SCN11A: variants seen among roughly 807,000 people sequenced by gnomAD.
SCN11A encodes sodium channel protein type 11 subunit alpha.
Under a neutral mutation model 162.2 loss-of-function variants are expected in SCN11A, and 122 were observed. The observed-to-expected ratio is 0.75, with a 90% CI of 0.65 to 0.87. The LOEUF is 0.87. SCN11A is among the 40% of genes least tolerant of loss of function. The pLI is 0.00. For missense variants in SCN11A, 2,015 were observed against 2,181.6 expected (o/e 0.92, Z 1.52); for synonymous variants, 758 against 751.5 (o/e 1.01, Z -0.14).
In SCN11A at chr3:38,894,699, C is replaced by T. The variant is rs769754010; in HGVS notation, c.2669G>A (p.Gly890Asp). The stretch of plus-strand genomic sequence containing the variant: ...ACCAAGCTCCTCCTGGGTCTCTGAG[C>T]CCCTTTTCATCTCCATGACCAGGGG... ...IIPLVMEMKR[G>D]SETQEELGIL... The change falls in exon 19 of 30, where the codon GGC becomes GAC. Residue 890 changes from glycine to aspartate, a missense_variant. Physicochemically the swap from Gly to Asp is moderately conservative, Grantham distance 94. Coordinates refer to ENST00000302328, the MANE Select transcript of SCN11A (RefSeq NM_001349253.2). The T allele has an allele frequency of 4.2e-5, 67 of 1,614,168 alleles. No individual in the cohort carries two copies. The East Asian group carries it at 4.7e-4, about 11-fold the overall frequency.
chr3:38,889,807 TAAAATAAAA>T (rs2065466971), intron 19 of SCN11A, among the ~76,000 whole-genome samples: 3 of 21,926 alleles, frequency 1.4e-4, no homozygotes, highest in African/African-American at 9.5e-4. Context: ...CTCAAAAAAA[TAAAATAAAA>T]TAAAATAAAA....
At chr3:38,965,972 C>G (rs2066779280) in intron 2 of SCN11A, among the ~76,000 whole-genome samples, 1 of 151,506 alleles carries the variant, frequency 6.6e-6, no homozygotes, top group African/African-American at 2.4e-5. Flanking sequence ...AGAACAAGAC[C>G]CTGTCCCTTA....
intron 28 of SCN11A, among the ~76,000 whole-genome samples, chr3:38,853,132 T>C (rs937321127): frequency 6.6e-6 from 1 of 152,244 alleles, no homozygotes; most frequent in Non-Finnish European, 1.5e-5. Context: ...CTCTGTGCAG[T>C]GCATCTATGT....
At chr3:38,959,492 A>G (rs2066719396) in intron 3 of SCN11A, among the ~76,000 whole-genome samples, 1 of 152,194 alleles carries the variant, frequency 6.6e-6, no homozygotes, top group Non-Finnish European at 1.5e-5. Flanking sequence ...GTATGCGTCT[A>G]TGGCAGCCTC....
At chr3:38,923,927 AG>A (rs1347305361) in intron 9 of SCN11A, among the ~76,000 whole-genome samples, 3 of 152,194 alleles carry the variant, frequency 2.0e-5, no homozygotes, top group Non-Finnish European at 1.5e-5. Flanking sequence ...AGTCTCAGCC[AG>A]GTCACTGGAG....
intron 5 of SCN11A, among the ~76,000 whole-genome samples, chr3:38,949,448 T>C (rs1041151304): frequency 3.9e-5 from 6 of 152,242 alleles, no homozygotes; most frequent in African/African-American, 7.2e-5. Flanking sequence ...AATCTGCATG[T>C]GCCCACTTGG....
chr3:38,871,104 CT>C (rs1038343919), intron 25 of SCN11A, among the ~76,000 whole-genome samples: 2 of 152,186 alleles, frequency 1.3e-5, no homozygotes, highest in African/African-American at 4.8e-5. Context: ...GACCTGGCAA[CT>C]GTGCTTTAAA....
chr3:38,984,016 T>C (rs1305583962), intron 2 of SCN11A, among the ~76,000 whole-genome samples: 1 of 152,250 alleles, frequency 6.6e-6, no homozygotes, highest in East Asian at 1.9e-4. Flanking sequence ...ATCACATTTC[T>C]AAATCTTTTT....
At chr3:38,992,061 G>A (rs760620501) in intron 2 of SCN11A, among the ~76,000 whole-genome samples, 72 of 151,948 alleles carry the variant, frequency 4.7e-4, no homozygotes, top group Non-Finnish European at 9.0e-4. Flanking sequence ...TGCCCATCTC[G>A]GCCTCCCAAA....
In SCN11A at chr3:38,896,839, A is replaced by G; in HGVS notation, c.2403+6T>C. 6.7e-7 allele frequency: 1 copy of G among 1,497,782 alleles called. No individual in the cohort carries two copies. The highest frequency in any genetic ancestry group is 8.9e-7 in the Non-Finnish European group (1 of 1,122,724). The allele number at this position is 1,497,782 out of a possible 1,614,324, so 92.8% of individuals were successfully genotyped here. A position where few individuals can be genotyped will look rare whatever the true frequency, so the allele number is the denominator to read the frequency against. On this transcript the variant is annotated splice_donor_region_variant and intron_variant, in intron 18 of 29. Transcript: ENST00000302328. ...TTTTTTTTTGAAAAAAATCTAAGAC[A>G]CATACCACAAGTTTTCCTATCACCG...
chr3:38,970,827 C>T (rs1485762219), intron 2 of SCN11A, among the ~76,000 whole-genome samples: 2 of 152,158 alleles, frequency 1.3e-5, no homozygotes, highest in African/African-American at 2.4e-5. Flanking sequence ...TTCATTGTGC[C>T]CCCAGAGCTT....
intron 16 of SCN11A, among the ~76,000 whole-genome samples, chr3:38,900,303 C>G (rs2065678783): frequency 6.6e-6 from 1 of 152,152 alleles, no homozygotes; most frequent in Non-Finnish European, 1.5e-5. Context: ...TGTAACCAAG[C>G]TCACAGACAC....
intron 28 of SCN11A, among the ~76,000 whole-genome samples, chr3:38,854,691 A>C (rs778098792): frequency 6.6e-6 from 1 of 152,268 alleles, no homozygotes; most frequent in African/African-American, 2.4e-5. Context: ...AGAGGGGGGA[A>C]AACCTGCCTC....
chr3:38,988,709 A>G (rs1053499316), intron 2 of SCN11A, among the ~76,000 whole-genome samples: 3 of 152,224 alleles, frequency 2.0e-5, no homozygotes, highest in African/African-American at 7.2e-5. Flanking sequence ...TTTATAAGTG[A>G]CAGGAGATAT....
At chr3:38,876,285 C>G (rs1441590942) in intron 23 of SCN11A, among the ~76,000 whole-genome samples, 1 of 152,094 alleles carries the variant, frequency 6.6e-6, no homozygotes, top group African/African-American at 2.4e-5. Flanking sequence ...AAAAACTCTT[C>G]TAGACATTGG....
intron 19 of SCN11A, among the ~76,000 whole-genome samples, chr3:38,892,092 T>G (rs1266699159): frequency 6.6e-6 from 1 of 152,176 alleles, no homozygotes; most frequent in Non-Finnish European, 1.5e-5. Flanking sequence ...TGACCTTGCA[T>G]TAGAAATAAT....
chr3:38,918,136 A>C (rs557286737), intron 11 of SCN11A, among the ~76,000 whole-genome samples: 1 of 152,118 alleles, frequency 6.6e-6, no homozygotes, highest in Admixed American at 6.5e-5. Context: ...AAAAAGGACT[A>C]GTTGGAAACA....
chr3:38,933,094 G>A (rs889922567), intron 7 of SCN11A, among the ~76,000 whole-genome samples: 1 of 152,222 alleles, frequency 6.6e-6, no homozygotes, highest in African/African-American at 2.4e-5. Flanking sequence ...AGCCACCGCT[G>A]CTGGTACCCA....
intron 2 of SCN11A, among the ~76,000 whole-genome samples, chr3:38,963,424 GATATATAT>G (rs60520043): frequency 0.083 from 5,094 of 61,356 alleles, 314 homozygotes; most frequent in Middle Eastern, 0.15. Context: ...ATATGATGGA[GATATATAT>G]ATATATATAT....
Sources: allele counts gnomAD v4.1 joint callset (sites outside exome capture counted in the v4.1 genomes callset), GRCh38; gene constraint gnomAD v4.1.1; transcripts MANE v1.5; gene names NCBI Gene and HGNC (gene_info 2026-07-23, HGNC 2026-07-21).